Variants in PTGER3 observed in about 807,000 individuals in gnomAD.
PTGER3 encodes the protein prostaglandin E2 receptor EP3 subtype.
In PTGER3, 22 loss-of-function variants were observed where a neutral mutation model predicts 34.7. The ratio of observed to expected loss-of-function variants is 0.63; its 90% CI spans 0.45 to 0.91. PTGER3 has a LOEUF of 0.91. PTGER3 is among the 40% of genes least tolerant of loss of function. PTGER3 has a pLI of 0.00. For missense variants in PTGER3, 468 were observed against 519.4 expected (o/e 0.90, Z 0.96); for synonymous variants, 241 against 230.1 (o/e 1.05, Z -0.43).
In PTGER3 at chr1:70,994,542, C is replaced by T. The variant is rs559851770; in HGVS notation, c.1077+17763G>A. On this transcript the variant is annotated intron_variant, in intron 2 of 3. Coordinates refer to ENST00000306666, the MANE Select transcript of PTGER3 (RefSeq NM_198719.2). ...GTGCGATCTTGGCCCGCTGCAACCT[C>T]CGCCTCCTGGGTTCAAGTGATTCTC... Among the ~76,000 whole-genome samples, 86 of 151,968 alleles carry T rather than the reference C, an allele frequency of 5.7e-4. 1 individual carries two copies. In the South Asian group the frequency reaches 0.017, roughly 30 times the overall value.
intron 4 of PTGER3, among the ~76,000 whole-genome samples, chr1:70,895,329 T>A (rs547717327): frequency 3.1e-4 from 47 of 152,332 alleles, no homozygotes; most frequent in Non-Finnish European, 5.3e-4. Context: ...CAATCCAAGC[T>A]TCATGTGGTT....
At chr1:71,007,301 A>C in intron 2 of PTGER3, 2 of 985,798 alleles carry the variant, frequency 2.0e-6, no homozygotes, top group Non-Finnish European at 2.4e-6. Context: ...GTTTGCTTAA[A>C]CAGGCTTACA....
At chr1:71,039,672 A>T (rs1268690307) in intron 1 of PTGER3, among the ~76,000 whole-genome samples, 1 of 148,440 alleles carries the variant, frequency 6.7e-6, no homozygotes, top group East Asian at 2.0e-4. Context: ...AAAAAAAAAG[A>T]AAAAAAGAAA....
chr1:70,956,795 G>T (rs542646358), intron 2 of PTGER3, among the ~76,000 whole-genome samples: 1 of 152,264 alleles, frequency 6.6e-6, no homozygotes, highest in East Asian at 1.9e-4. Context: ...CTTGAGGCCA[G>T]GGGTTCGAGA....
At chr1:70,870,754 C>A (rs1183706883) in intron 4 of PTGER3, among the ~76,000 whole-genome samples, 1 of 152,164 alleles carries the variant, frequency 6.6e-6, no homozygotes, top group Admixed American at 6.5e-5. Context: ...CAGCCAAATT[C>A]TTTGCTAAGG....
intron 2 of PTGER3, among the ~76,000 whole-genome samples, chr1:70,963,023 G>C (rs1652101723): frequency 6.6e-6 from 1 of 152,152 alleles, no homozygotes; most frequent in African/African-American, 2.4e-5. Context: ...TATTCCACAT[G>C]GTAGCAATTG....
intron 2 of PTGER3, among the ~76,000 whole-genome samples, chr1:70,978,261 A>G (rs940748044): frequency 2.0e-5 from 3 of 152,104 alleles, no homozygotes; most frequent in African/African-American, 4.8e-5. Flanking sequence ...TGATTGTAGT[A>G]CTCAGGCTAG....
chr1:70,856,409 C>A (rs1485771099), intron 4 of PTGER3, among the ~76,000 whole-genome samples: 1 of 138,308 alleles, frequency 7.2e-6, no homozygotes, highest in Non-Finnish European at 1.5e-5. Flanking sequence ...CATTGCACTC[C>A]AGCCTGGGCA....
chr1:70,909,550 C>T (rs1557647753), intron 4 of PTGER3, among the ~76,000 whole-genome samples: 1 of 152,084 alleles, frequency 6.6e-6, no homozygotes, highest in Non-Finnish European at 1.5e-5. Flanking sequence ...AAGATCTCTC[C>T]CAGCAGCAGT....
At chr1:70,963,538 A>G (rs143075739) in intron 2 of PTGER3, among the ~76,000 whole-genome samples, 100 of 152,308 alleles carry the variant, frequency 6.6e-4, no homozygotes, top group Non-Finnish European at 1.2e-3. Flanking sequence ...TGCAGGCCCA[A>G]CACCGTGTGG....
chr1:71,009,546 G>A (rs1395158398), intron 2 of PTGER3: 3 of 984,680 alleles, frequency 3.0e-6, no homozygotes, highest in Admixed American at 1.2e-4. Flanking sequence ...AGTAACATGT[G>A]ATCATTCTTC....
rs1049809603 is a variant in PTGER3 at position 70,970,831 on chromosome 1, T to G, written c.*899A>C. 2 of 903,100 alleles carry G rather than the reference T, an allele frequency of 2.2e-6. No individual in the cohort carries two copies. Among genetic ancestry groups the G allele is most frequent in the African/African-American group, 3.6e-5 (2 of 55,458 alleles). The allele number at this position is 903,100 out of a possible 1,614,324, so 55.9% of individuals were successfully genotyped here. ...TTATTTTAATACAGACAAAATAGAT[T>G]CTTTTATTTTATAAAAACGTAATAA... On this transcript the variant is annotated 3_prime_UTR_variant, in exon 4 of 4. Transcript: ENST00000306666.
At chr1:70,927,313 G>C (rs939492109) in intron 4 of PTGER3, among the ~76,000 whole-genome samples, 1 of 152,108 alleles carries the variant, frequency 6.6e-6, no homozygotes, top group Non-Finnish European at 1.5e-5. Flanking sequence ...TCTGGTCCTG[G>C]ACTCTTTTTG....
At chr1:71,009,383 A>G (rs1250144154) in intron 2 of PTGER3, 3 of 979,294 alleles carry the variant, frequency 3.1e-6, no homozygotes, top group Non-Finnish European at 3.6e-6. Flanking sequence ...GCATGATTAA[A>G]CACTTACATT....
chr1:71,025,319 C>T (rs773252060), intron 1 of PTGER3, among the ~76,000 whole-genome samples: 14 of 151,614 alleles, frequency 9.2e-5, no homozygotes, highest in Non-Finnish European at 1.9e-4. Flanking sequence ...CAGTAGTAAC[C>T]CTGAGGCTGG....
intron 4 of PTGER3, among the ~76,000 whole-genome samples, chr1:70,859,549 T>A (rs978964838): frequency 6.6e-6 from 1 of 152,226 alleles, no homozygotes; most frequent in Non-Finnish European, 1.5e-5. Flanking sequence ...AATTTTATTG[T>A]AATATTAGGT....
At chr1:71,021,620 G>A (rs1338810812) in intron 1 of PTGER3, among the ~76,000 whole-genome samples, 1 of 151,720 alleles carries the variant, frequency 6.6e-6, no homozygotes, top group Non-Finnish European at 1.5e-5. Flanking sequence ...AAAATGCTTA[G>A]ATTTCAGAGT....
chr1:70,911,485 T>G (rs1004889289), intron 4 of PTGER3, among the ~76,000 whole-genome samples: 3 of 152,076 alleles, frequency 2.0e-5, no homozygotes, highest in Non-Finnish European at 4.4e-5. Context: ...TATAGATAGG[T>G]TTTTTGTCTG....
At chr1:70,940,882 C>G (rs1228408578) in intron 4 of PTGER3, among the ~76,000 whole-genome samples, 1 of 152,130 alleles carries the variant, frequency 6.6e-6, no homozygotes, top group Non-Finnish European at 1.5e-5. Flanking sequence ...GTCTTAGATT[C>G]ATGTTTCTAA....
Sources: gnomAD v4.1 joint callset for allele counts (sites outside exome capture counted in the v4.1 genomes callset) on GRCh38, gnomAD v4.1.1 for gene constraint, MANE v1.5 for transcripts, NCBI Gene and HGNC (gene_info 2026-07-23, HGNC 2026-07-21) for gene names.